PLS1: variants seen among roughly 807,000 people sequenced by gnomAD.
PLS1 encodes the protein plastin 1.
In PLS1, 32 loss-of-function variants were observed where a neutral mutation model predicts 73.7. The ratio of observed to expected loss-of-function variants is 0.43; its 90% CI spans 0.33 to 0.58. PLS1 has a LOEUF of 0.58. Ranked by LOEUF, PLS1 falls within the 20% of genes least tolerant of loss-of-function variation. PLS1 has a pLI of 0.04. For missense variants in PLS1, 633 were observed against 740.5 expected (o/e 0.85, Z 1.68); for synonymous variants, 217 against 261.3 (o/e 0.83, Z 1.63).
At chr3:142,597,598 C>G (rs1185351841) in intron 1 of PLS1, among the ~76,000 whole-genome samples, 1 of 152,152 alleles carries the variant, frequency 6.6e-6, no homozygotes, top group Non-Finnish European at 1.5e-5. Context: ...AAATAATATA[C>G]AGCTGGTCTA....
At chr3:142,706,182 A>T (rs937980185) in intron 14 of PLS1, among the ~76,000 whole-genome samples, 1 of 152,208 alleles carries the variant, frequency 6.6e-6, no homozygotes, top group East Asian at 1.9e-4. Flanking sequence ...AAAAGGCATA[A>T]AGTATAGGAA....
rs1427964529 is a variant in PLS1 at position 142,712,980 on chromosome 3, G to A, written c.*973G>A. 1 of 152,540 alleles carries A rather than the reference G, an allele frequency of 6.6e-6. No homozygotes were observed. The highest frequency in any genetic ancestry group is 1.9e-4 in the East Asian group (1 of 5,200). 9.4% of individuals were successfully genotyped at this position (152,540 alleles called of 1,614,324 possible). ...AAGATATGCTGACACTGTCCTGTTA[G>A]CTTCATATTATACTTGCTAGTTTAG... On this transcript the variant is annotated 3_prime_UTR_variant, in exon 16 of 16. Transcript: ENST00000457734.
intron 8 of PLS1, among the ~76,000 whole-genome samples, chr3:142,685,467 A>G (rs529224783): frequency 7.2e-5 from 11 of 152,202 alleles, no homozygotes; most frequent in South Asian, 2.1e-4. Context: ...TCTGCTTCAC[A>G]TGGTTTTGGC....
intron 1 of PLS1, among the ~76,000 whole-genome samples, chr3:142,629,686 A>G (rs2036512247): frequency 6.6e-6 from 1 of 152,152 alleles, no homozygotes; most frequent in Non-Finnish European, 1.5e-5. Context: ...ACGGTAAAAA[A>G]CCATGTAGTA....
chr3:142,597,965 G>A (rs1452290231), intron 1 of PLS1, among the ~76,000 whole-genome samples: 3 of 152,078 alleles, frequency 2.0e-5, no homozygotes, highest in East Asian at 1.9e-4. Flanking sequence ...TCCTGAAAAC[G>A]CCCTCCTTCC....
At position 142,697,989 on chromosome 3, in the gene PLS1, T is replaced by C; in HGVS notation, c.1293T>C (p.Tyr431=). Residue 431 remains tyrosine (Y), a synonymous_variant, in exon 12 of 16, where the codon TAT becomes TAC. Transcript: ENST00000457734. ...ATGCTTTAGTGATCTTTCAGCTCTA[T>C]GAGATGATCCGAGTGCCAGTCAACT... ...LADALVIFQL[Y]EMIRVPVNWS... 1 of 1,591,970 alleles carries C rather than the reference T, an allele frequency of 6.3e-7. No homozygotes were observed. Among genetic ancestry groups the C allele is most frequent in the Non-Finnish European group, 8.6e-7 (1 of 1,159,996 alleles).
Position 142,686,324 on chromosome 3 carries a change from CT to C in PLS1, c.930del (p.Gly312ValfsTer21), listed in dbSNP as rs778201751. 6.2e-7 allele frequency: 1 copy of C among 1,611,944 alleles called. No individual in the cohort carries two copies. Among genetic ancestry groups the C allele is most frequent in the Non-Finnish European group, 8.5e-7 (1 of 1,178,042 alleles). On this transcript the variant is annotated frameshift_variant, in exon 9 of 16. Coordinates refer to ENST00000457734, the MANE Select transcript of PLS1 (RefSeq NM_001145319.2). LOFTEE classifies it high-confidence loss of function. ...AYFHLLNQIAPKGGEDGPAIA... is the reference protein window; with the variant it reads ...AYFHLLNQIAXKGGEDGPAIA... ...TTTCATCTGCTTAATCAGATTGCCC[CT>C]AAAGGTGGGGAAGATGGACCTGCCA...
chr3:142,612,005 T>C (rs1164335583), intron 1 of PLS1, among the ~76,000 whole-genome samples: 2 of 152,196 alleles, frequency 1.3e-5, no homozygotes, highest in Non-Finnish European at 2.9e-5. Context: ...AAACCAGCGC[T>C]CTCAATGACA....
intron 1 of PLS1, among the ~76,000 whole-genome samples, chr3:142,612,769 A>G (rs2036146868): frequency 6.6e-6 from 1 of 151,978 alleles, no homozygotes; most frequent in Admixed American, 6.6e-5. Context: ...CCTGTTTTAT[A>G]TTTAATTTTT....
chr3:142,627,467 C>A (rs1379932098), intron 1 of PLS1, among the ~76,000 whole-genome samples: 1 of 152,166 alleles, frequency 6.6e-6, no homozygotes, highest in Non-Finnish European at 1.5e-5. Flanking sequence ...CAAGGCCCAT[C>A]CAGTTTAAAC....
chr3:142,621,865 C>G (rs192093189), intron 1 of PLS1, among the ~76,000 whole-genome samples: 4 of 152,280 alleles, frequency 2.6e-5, no homozygotes. Context: ...AGCAGAACTC[C>G]ATGCAACAGC....
chr3:142,687,222 T>TA (rs200366859), intron 9 of PLS1, among the ~76,000 whole-genome samples: 7,407 of 129,664 alleles, frequency 0.057, 365 homozygotes, highest in African/African-American at 0.14. Flanking sequence ...GCTGATGAGC[T>TA]AAAAAAAAAA....
intron 1 of PLS1, chr3:142,628,011 GAATT>G (rs2036467422): frequency 6.6e-6 from 1 of 152,088 alleles, no homozygotes; most frequent in Non-Finnish European, 1.5e-5. Context: ...TGTACAGAAA[GAATT>G]GTTTTGTAAA....
chr3:142,628,806 C>T (rs1461382714), intron 1 of PLS1, among the ~76,000 whole-genome samples: 1 of 152,170 alleles, frequency 6.6e-6, no homozygotes, highest in Non-Finnish European at 1.5e-5. Context: ...AATGAAAAAA[C>T]CCATCACTTT....
At chr3:142,676,892 T>G (rs2107863462) in intron 5 of PLS1, among the ~76,000 whole-genome samples, 1 of 152,316 alleles carries the variant, frequency 6.6e-6, no homozygotes, top group South Asian at 2.1e-4. Context: ...AAAATATCCT[T>G]ACCACCCATA....
At chr3:142,658,442 C>T (rs997060689) in intron 1 of PLS1, among the ~76,000 whole-genome samples, 15 of 150,932 alleles carry the variant, frequency 9.9e-5, no homozygotes, top group African/African-American at 2.7e-4. Context: ...TGCCACTGCA[C>T]TCCAGCCTGG....
intron 8 of PLS1, among the ~76,000 whole-genome samples, chr3:142,685,238 G>A (rs185171454): frequency 1.4e-3 from 208 of 152,248 alleles, no homozygotes; most frequent in African/African-American, 4.8e-3. Flanking sequence ...TGAAAATTCA[G>A]CTAATCAAAC....
At chr3:142,646,235 G>A (rs2036949840) in intron 1 of PLS1, among the ~76,000 whole-genome samples, 1 of 152,172 alleles carries the variant, frequency 6.6e-6, no homozygotes, top group Non-Finnish European at 1.5e-5. Context: ...TGTTATTAAA[G>A]GGGTAAGGGA....
At chr3:142,607,638 T>C (rs2036048720) in intron 1 of PLS1, among the ~76,000 whole-genome samples, 2 of 152,276 alleles carry the variant, frequency 1.3e-5, no homozygotes, top group African/African-American at 4.8e-5. Flanking sequence ...CTGATCTTGT[T>C]ATATTATTAT....
Sources: allele counts gnomAD v4.1 joint callset (sites outside exome capture counted in the v4.1 genomes callset), GRCh38; gene constraint gnomAD v4.1.1; transcripts MANE v1.5; gene names NCBI Gene and HGNC (gene_info 2026-07-23, HGNC 2026-07-21).